Variants in CCDC146 observed in about 807,000 individuals in gnomAD.
CCDC146 encodes the protein coiled-coil domain-containing protein 146.
In CCDC146, 92 loss-of-function variants were observed where a neutral mutation model predicts 119.3. The observed-to-expected ratio is 0.77, with a 90% CI of 0.65 to 0.92. The LOEUF (loss-of-function observed/expected upper bound fraction) is 0.92. Ranked by LOEUF, CCDC146 falls within the 40% of genes least tolerant of loss-of-function variation. The probability of loss-of-function intolerance (pLI) is 0.00; values close to 1 mark genes in which losing one functional copy is unlikely to be tolerated. For synonymous variants in CCDC146, 372 were observed against 371.8 expected, an observed-to-expected ratio of 1.00 and a Z score of -0.01; for missense variants, 1,000 against 1,103.0, an observed-to-expected ratio of 0.91 and a Z score of 1.32.
In CCDC146 at chr7:77,287,586, G is replaced by A. The variant is rs1383334706; in HGVS notation, c.2415+9G>A. On this transcript the variant is annotated intron_variant, in intron 17 of 18. Transcript: ENST00000285871. ...TGCTCTTAGCCAAGAAGGTAGGCCT[G>A]AGACCCTGCCTTTTCCCTTCTGCCC... The A allele has an allele frequency of 6.2e-7, 1 of 1,611,088 alleles. No homozygotes were observed. Among genetic ancestry groups the A allele is most frequent in the Admixed American group, 1.7e-5 (1 of 59,686 alleles).
At chr7:77,125,148 C>G (rs1790675281) in intron 1 of CCDC146, among the ~76,000 whole-genome samples, 1 of 151,336 alleles carries the variant, frequency 6.6e-6, no homozygotes, top group Non-Finnish European at 1.5e-5. Context: ...GAGCCGAGAT[C>G]ACACCACTGC....
intron 2 of CCDC146, among the ~76,000 whole-genome samples, chr7:77,236,399 C>T (rs1353875213): frequency 2.6e-5 from 4 of 152,262 alleles, no homozygotes; most frequent in East Asian, 1.9e-4. Context: ...GGGGAGTGAT[C>T]GTGGGTTTTT....
chr7:77,210,253 C>G (rs900150877), intron 2 of CCDC146, among the ~76,000 whole-genome samples: 2 of 152,208 alleles, frequency 1.3e-5, no homozygotes, highest in Non-Finnish European at 2.9e-5. Flanking sequence ...GAACATCTTA[C>G]ATGTTTTGCT....
At chr7:77,236,068 CATAA>C (rs141909777) in intron 2 of CCDC146, among the ~76,000 whole-genome samples, 1 of 147,400 alleles carries the variant, frequency 6.8e-6, no homozygotes. Context: ...GAGACTCCGT[CATAA>C]ATAAATAAAT....
At chr7:77,199,340 T>G in intron 2 of CCDC146, 2 of 1,614,092 alleles carry the variant, frequency 1.2e-6, no homozygotes, top group Non-Finnish European at 1.7e-6. Flanking sequence ...TGAAGTACAT[T>G]GATCTCCTCT....
intron 1 of CCDC146, among the ~76,000 whole-genome samples, chr7:77,146,310 C>G (rs1791018774): frequency 1.3e-5 from 2 of 152,096 alleles, no homozygotes; most frequent in African/African-American, 2.4e-5. Flanking sequence ...ATGTGTGTCT[C>G]TGCACATGAG....
chr7:77,148,211 T>A (rs1033098540), intron 1 of CCDC146, among the ~76,000 whole-genome samples: 1 of 152,214 alleles, frequency 6.6e-6, no homozygotes, highest in Non-Finnish European at 1.5e-5. Flanking sequence ...CTCTGAGCCA[T>A]GCGTGGGATA....
chr7:77,254,462 T>G (rs1353645366), intron 4 of CCDC146, 44 bp from the exon 5 acceptor site: 1 of 1,095,946 alleles, frequency 9.1e-7, no homozygotes, highest in South Asian at 1.4e-5. Context: ...CAGAAAGAGC[T>G]TATTTCTTTG....
chr7:77,239,764 C>T (rs769745977), intron 3 of CCDC146, among the ~76,000 whole-genome samples: 18 of 152,134 alleles, frequency 1.2e-4, no homozygotes, highest in Non-Finnish European at 2.2e-4. Flanking sequence ...AGGTTGGAGC[C>T]GATGCTTGCT....
intron 4 of CCDC146, 45 bp from the exon 5 acceptor site, chr7:77,254,461 C>G (rs2150506275): frequency 9.3e-7 from 1 of 1,078,998 alleles, no homozygotes; most frequent in Non-Finnish European, 1.4e-6. Context: ...ACAGAAAGAG[C>G]TTATTTCTTT....
intron 1 of CCDC146, among the ~76,000 whole-genome samples, chr7:77,145,592 T>G (rs1273704193): frequency 1.3e-5 from 2 of 152,164 alleles, no homozygotes; most frequent in African/African-American, 2.4e-5. Context: ...GCTTTAAATG[T>G]GTCCCAGAGA....
rs909346926 is a variant in CCDC146 at position 77,260,189 on chromosome 7, G to A, written c.939G>A (p.Lys313=). ...IKEREHNQLV[K]LLELARENEA... ...AACGAGAACATAACCAATTGGTCAA[G>A]CTATTGGAATTAGCCAGAGAGAATG... The change falls in exon 8 of 19, where the codon AAG becomes AAA. Residue 313 remains lysine (K), a synonymous_variant. Transcript: ENST00000285871. 8 of 1,613,846 alleles carry A rather than the reference G, an allele frequency of 5.0e-6. No homozygotes were observed. The highest frequency in any genetic ancestry group is 1.7e-5 in the Admixed American group (1 of 59,984).
chr7:77,148,209 C>T (rs1387027301), intron 1 of CCDC146, among the ~76,000 whole-genome samples: 2 of 152,236 alleles, frequency 1.3e-5, no homozygotes, highest in African/African-American at 4.8e-5. Context: ...CCCTCTGAGC[C>T]ATGCGTGGGA....
chr7:77,273,660 A>T lies in CCDC146; in HGVS notation c.1174-34A>T, dbSNP rs373007518. 5,216 of 1,498,870 alleles carry T rather than the reference A, an allele frequency of 3.5e-3. 16 individuals are homozygous for T. The highest frequency in any genetic ancestry group is 4.5e-3 in the Non-Finnish European group (4,825 of 1,081,752). 92.8% of individuals were successfully genotyped at this position (1,498,870 alleles called of 1,614,324 possible). ...TCAGCCTCCCAAAGATTTATTTCTT[A>T]CATAAATGCATGTTTTTAAATTTTG... On this transcript the variant is annotated intron_variant, in intron 9 of 18. Transcript: ENST00000285871.
At chr7:77,271,218 T>G (rs1394999757) in intron 9 of CCDC146, among the ~76,000 whole-genome samples, 1 of 151,804 alleles carries the variant, frequency 6.6e-6, no homozygotes, top group African/African-American at 2.4e-5. Context: ...GACCCACCCT[T>G]AATCTGGGTG....
At chr7:77,212,434 A>G (rs2150450458) in intron 2 of CCDC146, among the ~76,000 whole-genome samples, 1 of 152,154 alleles carries the variant, frequency 6.6e-6, no homozygotes, top group Non-Finnish European at 1.5e-5. Flanking sequence ...ATCCCGGCTA[A>G]CATGGTGAAA....
chr7:77,125,126 AGAGGTTGCAGT>A (rs1790674812), intron 1 of CCDC146, among the ~76,000 whole-genome samples: 1 of 151,708 alleles, frequency 6.6e-6, no homozygotes, highest in Non-Finnish European at 1.5e-5. Flanking sequence ...CACAGGAGGT[AGAGGTTGCAGT>A]GAGCCGAGAT....
chr7:77,292,793 C>G (rs1424911372), intron 17 of CCDC146, among the ~76,000 whole-genome samples, 159 bp from the exon 18 acceptor site: 2 of 152,140 alleles, frequency 1.3e-5, no homozygotes, highest in African/African-American at 4.8e-5. Flanking sequence ...GGCTCAATAT[C>G]TGCAGTCTCT....
chr7:77,207,669 T>C (rs1792105835), intron 2 of CCDC146, among the ~76,000 whole-genome samples: 1 of 152,154 alleles, frequency 6.6e-6, no homozygotes, highest in East Asian at 1.9e-4. Flanking sequence ...TATATGTTCT[T>C]AGTGAAGAGC....
Sources: gnomAD v4.1 joint callset for allele counts (sites outside exome capture counted in the v4.1 genomes callset) on GRCh38, gnomAD v4.1.1 for gene constraint, MANE v1.5 for transcripts, NCBI Gene and HGNC (gene_info 2026-07-23, HGNC 2026-07-21) for gene names.